MGA: variants seen among roughly 807,000 people sequenced by gnomAD.
MGA encodes the protein MAX gene-associated protein.
Under a neutral mutation model 261.1 loss-of-function variants are expected in MGA, and 40 were observed. That is an observed-to-expected ratio of 0.15 (90% CI 0.12 to 0.20). The LOEUF (loss-of-function observed/expected upper bound fraction) is 0.20. MGA is among the 10% of genes least tolerant of loss of function. MGA has a pLI of 1.00. For synonymous variants in MGA, 1,302 were observed against 1,290.6 expected (o/e 1.01, Z -0.19); for missense variants, 3,397 against 3,630.5 (o/e 0.94, Z 1.65).
Position 41,767,500 on chromosome 15 carries a change from G to T in MGA, c.*220G>T. ...ATGTGTTACCTCACTTGTGGTGCTG[G>T]GTCCCCTCATCCTCTCTAAGAAGAT... On this transcript the variant is annotated 3_prime_UTR_variant, in exon 24 of 24. Transcript: ENST00000219905. The T allele has an allele frequency of 5.3e-6, 3 of 568,278 alleles. No individual in the cohort carries two copies. Among genetic ancestry groups the T allele is most frequent in the Non-Finnish European group, 9.3e-6 (3 of 322,304 alleles). The allele number at this position is 568,278 out of a possible 1,614,324, so 35.2% of individuals were successfully genotyped here.
intron 1 of MGA, among the ~76,000 whole-genome samples, chr15:41,655,364 A>G (rs2057144855): frequency 6.6e-6 from 1 of 151,556 alleles, no homozygotes; most frequent in South Asian, 2.1e-4. Context: ...TTTTTAGTGG[A>G]GCCTTGCTGT....
upstream of MGA, among the ~76,000 whole-genome samples, chr15:41,659,689 CAA>C (rs147224825): frequency 3.5e-3 from 529 of 152,314 alleles, 3 homozygotes; most frequent in African/African-American, 0.012. Flanking sequence ...CTTGAAGAAA[CAA>C]AAATTGAATG....
intron 2 of MGA, among the ~76,000 whole-genome samples, chr15:41,674,723 T>C (rs991356053): frequency 2.0e-5 from 3 of 152,166 alleles, no homozygotes; most frequent in African/African-American, 7.2e-5. Context: ...TTTCACCATG[T>C]TGGTCAGGAT....
intron 2 of MGA, among the ~76,000 whole-genome samples, chr15:41,674,565 G>A (rs909932925): frequency 5.7e-4 from 86 of 151,762 alleles, no homozygotes; most frequent in African/African-American, 2.0e-3. Flanking sequence ...TGTCACCCAG[G>A]CTGAAACGTA....
chr15:41,656,377 T>TCTCTCTCTCTCTCTCTCACA (rs1555403733), upstream of MGA, among the ~76,000 whole-genome samples: 978 of 67,758 alleles, frequency 0.014, 26 homozygotes, highest in Non-Finnish European at 0.025. Flanking sequence ...TCTCTCTCTC[T>TCTCTCTCTCTCTCTCTCACA]CACACCCAGG....
intron 11 of MGA, among the ~76,000 whole-genome samples, chr15:41,729,962 G>A (rs989196107): frequency 4.0e-5 from 6 of 151,570 alleles, no homozygotes; most frequent in Non-Finnish European, 7.4e-5. Flanking sequence ...GTGTGGTCTC[G>A]GCTCAGTGCA....
chr15:41,738,409 T>A (rs2061908198), intron 13 of MGA, among the ~76,000 whole-genome samples: 1 of 152,108 alleles, frequency 6.6e-6, no homozygotes. Context: ...GAGAAAATAA[T>A]ATTAATATGA....
intron 12 of MGA, among the ~76,000 whole-genome samples, chr15:41,735,809 C>T (rs1366828775): frequency 1.3e-5 from 2 of 152,226 alleles, no homozygotes; most frequent in African/African-American, 4.8e-5. Flanking sequence ...TGTTTCAAAG[C>T]ATCTAGCAAG....
chr15:41,765,202 AT>A, intron 23 of MGA, 140 bp downstream of exon 23: 2 of 989,818 alleles, frequency 2.0e-6, no homozygotes, highest in Non-Finnish European at 3.0e-6. Context: ...AGGTGGCCCT[AT>A]TTTTAGAACA....
intron 1 of MGA, among the ~76,000 whole-genome samples, chr15:41,651,926 T>C: frequency 1.3e-4 from 7 of 54,884 alleles, no homozygotes; most frequent in African/African-American, 3.1e-4. Flanking sequence ...CACTCCTTCC[T>C]CTCCCTCCCC....
At chr15:41,643,027 C>T (rs926924461) in intron 1 of MGA, among the ~76,000 whole-genome samples, 18 of 151,232 alleles carry the variant, frequency 1.2e-4, no homozygotes, top group African/African-American at 3.6e-4. Context: ...GATCTCTTAC[C>T]TCAGCCTTCC....
chr15:41,743,543 A>C (rs1214986611), intron 15 of MGA, among the ~76,000 whole-genome samples: 1 of 152,236 alleles, frequency 6.6e-6, no homozygotes, highest in East Asian at 1.9e-4. Context: ...AAGGATACTG[A>C]AGTAATGCAG....
intron 2 of MGA, among the ~76,000 whole-genome samples, chr15:41,693,473 A>C (rs933109337): frequency 3.9e-5 from 6 of 152,180 alleles, no homozygotes; most frequent in African/African-American, 1.4e-4. Flanking sequence ...AGTAAGGTTA[A>C]AATCTTAAGT....
Position 41,758,265 on chromosome 15 carries a change from T to G in MGA, c.7191+426T>G, listed in dbSNP as rs572541126. 2.4e-3 allele frequency among the ~76,000 whole-genome samples: 362 copies of G among 152,292 alleles called. 1 individual carries two copies. Among genetic ancestry groups the G allele is most frequent in the African/African-American group, 8.2e-3 (341 of 41,580 alleles). ...TTTAATTTTCTTAATCTTTTTGGTT[T>G]ATATCATAGTAACATAATTAAGCAG... On this transcript the variant is annotated intron_variant, in intron 19 of 23. Coordinates refer to ENST00000219905, the MANE Select transcript of MGA (RefSeq NM_001164273.2).
chr15:41,646,524 T>C (rs2056935888), intron 1 of MGA, among the ~76,000 whole-genome samples: 1 of 151,926 alleles, frequency 6.6e-6, no homozygotes, highest in Non-Finnish European at 1.5e-5. Flanking sequence ...AGTTCTGCCA[T>C]GTTGGCCAGG....
upstream of MGA, among the ~76,000 whole-genome samples, chr15:41,656,965 T>C (rs1235162577): frequency 1.3e-5 from 2 of 151,926 alleles, no homozygotes; most frequent in Admixed American, 6.6e-5. Context: ...CAGAGATGGG[T>C]TCTCACTATG....
At chr15:41,668,643 G>T (rs1028493434) in intron 1 of MGA, among the ~76,000 whole-genome samples, 185 bp from the exon 2 acceptor site, 5 of 152,114 alleles carry the variant, frequency 3.3e-5, no homozygotes, top group African/African-American at 1.2e-4. Context: ...TTTAAAAAAT[G>T]ATTAGATATT....
intron 5 of MGA, among the ~76,000 whole-genome samples, chr15:41,702,314 C>T (rs1309308497): frequency 9.8e-6 from 1 of 101,730 alleles, no homozygotes; most frequent in Non-Finnish European, 2.2e-5. Context: ...CACAGTGAGA[C>T]ATTGTCTCAA....
intron 1 of MGA, among the ~76,000 whole-genome samples, chr15:41,652,339 C>T (rs2057083933): frequency 1.5e-5 from 2 of 133,792 alleles, no homozygotes; most frequent in African/African-American, 5.5e-5. Flanking sequence ...TTTCACCTCT[C>T]CCTTCTCTCC....
Sources: gnomAD v4.1 joint callset for allele counts (sites outside exome capture counted in the v4.1 genomes callset) on GRCh38, gnomAD v4.1.1 for gene constraint, MANE v1.5 for transcripts, NCBI Gene and HGNC (gene_info 2026-07-23, HGNC 2026-07-21) for gene names.